TACC1: variants seen among roughly 807,000 people sequenced by gnomAD.
TACC1 encodes transforming acidic coiled-coil containing protein 1, also known as transforming acidic coiled-coil-containing protein 1.
TACC1 carries 48 observed loss-of-function variants against 84.4 expected under a neutral mutation model. That is an observed-to-expected ratio of 0.57 (90% CI 0.45 to 0.72). TACC1 has a LOEUF of 0.72. Among genes scored for constraint, TACC1 ranks in the 30% least tolerant of loss-of-function variants. The probability of loss-of-function intolerance (pLI) is 0.00; values close to 1 mark genes in which losing one functional copy is unlikely to be tolerated. For missense variants in TACC1, 920 were observed against 973.0 expected (o/e 0.95, Z 0.72); for synonymous variants, 372 against 376.3 (o/e 0.99, Z 0.13).
chr8:38,729,384 C>G (rs1301015734), intron 1 of TACC1, among the ~76,000 whole-genome samples: 1 of 152,196 alleles, frequency 6.6e-6, no homozygotes, highest in African/African-American at 2.4e-5. Flanking sequence ...ACCCAGGAGC[C>G]TGCGTGTAGT....
chr8:38,844,172 A>T (rs939346202), intron 11 of TACC1, among the ~76,000 whole-genome samples: 6 of 151,664 alleles, frequency 4.0e-5, no homozygotes, highest in Non-Finnish European at 8.8e-5. Flanking sequence ...TATTTATTTT[A>T]TTATTATTAT....
At chr8:38,781,878 T>G (rs1816059801) in intron 3 of TACC1, among the ~76,000 whole-genome samples, 1 of 152,092 alleles carries the variant, frequency 6.6e-6, no homozygotes, top group Non-Finnish European at 1.5e-5. Context: ...GCTCTAGGTA[T>G]AAAACTCTCA....
chr8:38,795,984 C>T (rs1819875419), intron 2 of TACC1, among the ~76,000 whole-genome samples: 1 of 152,164 alleles, frequency 6.6e-6, no homozygotes, highest in South Asian at 2.1e-4. Flanking sequence ...CCTAGCCAGT[C>T]GAGGACCCTC....
chr8:38,745,159 A>G, exon 3 of TACC1: 1 of 261,944 alleles, frequency 3.8e-6, no homozygotes, highest in Non-Finnish European at 7.2e-6. Context: ...CTGCAGGCCA[A>G]ATCTCTGATC....
At chr8:38,785,264 A>G (rs1454027876), upstream of TACC1, among the ~76,000 whole-genome samples, 1 of 152,206 alleles carries the variant, frequency 6.6e-6, no homozygotes, top group African/African-American at 2.4e-5. Context: ...CCCTGTGATA[A>G]CAGTTCCCCA....
chr8:38,843,298 G>T lies in TACC1; in HGVS notation c.2131G>T (p.Ala711Ser), dbSNP rs1563972710. 1 of 1,595,000 alleles carries T rather than the reference G, an allele frequency of 6.3e-7. No individual in the cohort carries two copies. The highest frequency in any genetic ancestry group is 1.2e-5 in the South Asian group (1 of 86,946). ...VLEGFKKNEEALKKCAQDYLA... is the reference protein window; with the variant it reads ...VLEGFKKNEESLKKCAQDYLA... ...TTTTGCTTTGGAACAGAATGAAGAA[G>T]CCTTGAAGAAATGTGCTCAGGATTA... The change falls in exon 11 of 13, where the codon GCC becomes TCC. Residue 711 changes from alanine to serine, a missense_variant. Transcript: ENST00000317827.
chr8:38,834,027 A>G (rs1371510102), intron 6 of TACC1, among the ~76,000 whole-genome samples: 1 of 152,254 alleles, frequency 6.6e-6, no homozygotes, highest in African/African-American at 2.4e-5. Context: ...CCAGGGGTGT[A>G]TCAGCTATCT....
chr8:38,794,956 G>A (rs908683325), intron 2 of TACC1, among the ~76,000 whole-genome samples: 1 of 152,020 alleles, frequency 6.6e-6, no homozygotes, highest in Non-Finnish European at 1.5e-5. Flanking sequence ...TGATTTTTTT[G>A]TACTGTATAA....
intron 6 of TACC1, among the ~76,000 whole-genome samples, chr8:38,835,744 A>G (rs6474507): frequency 0.38 from 58,346 of 152,182 alleles, 11,363 homozygotes; most frequent in Non-Finnish European, 0.42. Context: ...ACAAAGCATC[A>G]ATATGTAACA....
At chr8:38,792,882 GAGCTACC>G (rs1429086920) in intron 2 of TACC1, among the ~76,000 whole-genome samples, 1 of 151,542 alleles carries the variant, frequency 6.6e-6, no homozygotes, top group Non-Finnish European at 1.5e-5. Context: ...TTACAGGCGT[GAGCTACC>G]ATGCCTGGCT....
chr8:38,741,739 C>T (rs1587114750), intron 1 of TACC1, among the ~76,000 whole-genome samples: 2 of 152,162 alleles, frequency 1.3e-5, no homozygotes, highest in East Asian at 3.9e-4. Context: ...CACCAGCTCA[C>T]GACTACAAAA....
At chr8:38,820,782 A>T (rs1460473974) in intron 3 of TACC1, 147 bp downstream of exon 3, 1 of 1,124,906 alleles carries the variant, frequency 8.9e-7, no homozygotes, top group Admixed American at 2.7e-5. Context: ...TGCAGTCTTC[A>T]CTGTTTGGCT....
chr8:38,828,715 C>T (rs563088877), intron 5 of TACC1, among the ~76,000 whole-genome samples: 76 of 152,212 alleles, frequency 5.0e-4, no homozygotes, highest in Middle Eastern at 6.8e-3. Flanking sequence ...GGAAAGGGGG[C>T]AGGAGAGGGG....
At chr8:38,796,747 C>G (rs1820078774) in intron 2 of TACC1, among the ~76,000 whole-genome samples, 1 of 152,326 alleles carries the variant, frequency 6.6e-6, no homozygotes. Context: ...CTGAGTCATG[C>G]ATGGTTGAGA....
At chr8:38,741,844 T>G (rs1807133157) in intron 1 of TACC1, among the ~76,000 whole-genome samples, 1 of 152,116 alleles carries the variant, frequency 6.6e-6, no homozygotes, top group South Asian at 2.1e-4. Context: ...GTAGACTCTA[T>G]CTCTGCCAGG....
rs546315172 is a variant in TACC1 at position 38,839,651 on chromosome 8, G to A, written c.1917-573G>A. ...AGGGGAGGACGTGATGCGACTCACA[G>A]AGCACCCAGCACCGGACTGGGTCAG... On this transcript the variant is annotated intron_variant, in intron 8 of 12. Transcript: ENST00000317827. 13 of 233,288 alleles carry A rather than the reference G, an allele frequency of 5.6e-5. No homozygotes were observed. In the South Asian group the frequency reaches 2.3e-3, roughly 42 times the overall value. The allele number at this position is 233,288 out of a possible 1,614,324, so 14.5% of individuals were successfully genotyped here.
In TACC1 at chr8:38,820,641, T is replaced by A; in HGVS notation, c.1391+6T>A. ...GCAAAGTCGCGTTTAATAACGTGAG[T>A]GACAGTGGGCGCTGGGTGTCGTGCT... On this transcript the variant is annotated splice_donor_region_variant and intron_variant, in intron 3 of 12. Coordinates refer to ENST00000317827, the MANE Select transcript of TACC1 (RefSeq NM_006283.3). 1 of 1,599,008 alleles carries A rather than the reference T, an allele frequency of 6.3e-7. No individual in the cohort carries two copies. Among genetic ancestry groups the A allele is most frequent in the Non-Finnish European group, 8.5e-7 (1 of 1,177,052 alleles).
rs749147513 is a variant in TACC1 at position 38,820,230 on chromosome 8, G to A, written c.986G>A (p.Gly329Glu). 51 of 1,614,118 alleles carry A rather than the reference G, an allele frequency of 3.2e-5. No individual in the cohort carries two copies. The highest frequency in any genetic ancestry group is 4.1e-5 in the Non-Finnish European group (48 of 1,180,026). Reference sequence around the variant, plus strand: ...GAGTTTGATTTCACAGAAGATACAGGAAACATAGAGGCCAGGAAAGCCCTT... The same window carrying A: ...GAGTTTGATTTCACAGAAGATACAGAAAACATAGAGGCCAGGAAAGCCCTT... ...KLEFDFTEDT[G>E]NIEARKALPR... The change falls in exon 3 of 13, where the codon GGA becomes GAA. Residue 329 changes from glycine to glutamate, a missense_variant. Transcript: ENST00000317827.
intron 3 of TACC1, among the ~76,000 whole-genome samples, chr8:38,748,969 G>C (rs533848585): frequency 1.3e-5 from 2 of 149,742 alleles, no homozygotes; most frequent in Admixed American, 1.3e-4. Flanking sequence ...ATTAGAGAAC[G>C]AAAAAAAGAG....
Sources: gnomAD v4.1 joint callset for allele counts (sites outside exome capture counted in the v4.1 genomes callset) on GRCh38, gnomAD v4.1.1 for gene constraint, MANE v1.5 for transcripts, NCBI Gene and HGNC (gene_info 2026-07-23, HGNC 2026-07-21) for gene names.